Variants in ZDHHC21 observed in about 807,000 individuals in gnomAD.
ZDHHC21 encodes the protein zDHHC palmitoyltransferase 21.
ZDHHC21 carries 15 observed loss-of-function variants against 34.6 expected under a neutral mutation model. The observed-to-expected ratio is 0.43, with a 90% CI of 0.29 to 0.67. ZDHHC21 has a LOEUF of 0.67. Among genes scored for constraint, ZDHHC21 ranks in the 30% least tolerant of loss-of-function variants. ZDHHC21 has a pLI of 0.14. For missense variants in ZDHHC21, 344 were observed against 327.7 expected, an observed-to-expected ratio of 1.05 and a Z score of -0.38; for synonymous variants, 142 against 101.8, an observed-to-expected ratio of 1.40 and a Z score of -2.38.
chr9:14,644,134 T>C (rs1392750818), intron 7 of ZDHHC21, among the ~76,000 whole-genome samples: 3 of 152,210 alleles, frequency 2.0e-5, no homozygotes, highest in African/African-American at 7.2e-5. Context: ...AGCAATTTCC[T>C]GTTTTTTGAT....
intron 5 of ZDHHC21, among the ~76,000 whole-genome samples, chr9:14,672,585 T>C (rs1404684552): frequency 3.3e-5 from 5 of 151,878 alleles, no homozygotes; most frequent in Non-Finnish European, 5.9e-5. Flanking sequence ...CTCATACAAT[T>C]ACCATGAGGA....
chr9:14,603,043 G>C, the ZDHHC21 span, among the ~76,000 whole-genome samples: 1 of 151,968 alleles, frequency 6.6e-6, no homozygotes, highest in East Asian at 1.9e-4. Context: ...GGAGGGGTGG[G>C]AGTTGAGGGG....
At chr9:14,682,010 A>T (rs1344920390) in intron 2 of ZDHHC21, among the ~76,000 whole-genome samples, 1 of 152,200 alleles carries the variant, frequency 6.6e-6, no homozygotes, top group Non-Finnish European at 1.5e-5. Flanking sequence ...GGTCACCACC[A>T]GGCCTGCCCT....
At chr9:14,691,137 A>G (rs1839089374) in intron 1 of ZDHHC21, among the ~76,000 whole-genome samples, 1 of 152,188 alleles carries the variant, frequency 6.6e-6, no homozygotes, top group African/African-American at 2.4e-5. Flanking sequence ...TTCAATTACA[A>G]TTCCAGAAAA....
chr9:14,658,692 C>A lies in ZDHHC21; in HGVS notation c.504+57G>T, dbSNP rs940863709. 7.0e-5 allele frequency: 101 copies of A among 1,443,076 alleles called. No homozygotes were observed. In the African/African-American group the frequency reaches 1.2e-3, roughly 17 times the overall value. 89.4% of individuals were successfully genotyped at this position (1,443,076 alleles called of 1,614,324 possible). ...TTCACCGTGTTAGCCAGGATGGTCTCGATCTCCTGACCTCGTGATCCGCCC... is the reference window on the plus strand; with the variant it reads ...TTCACCGTGTTAGCCAGGATGGTCTAGATCTCCTGACCTCGTGATCCGCCC... On this transcript the variant is annotated intron_variant, in intron 7 of 9. Coordinates refer to ENST00000380916, the MANE Select transcript of ZDHHC21 (RefSeq NM_178566.6).
At chr9:14,662,137 G>T in intron 6 of ZDHHC21, 78 bp downstream of exon 6, 1 of 974,240 alleles carries the variant, frequency 1.0e-6, no homozygotes, top group Non-Finnish European at 1.5e-6. Context: ...CATAACTGTT[G>T]TTTAAAGCTG....
At chr9:14,634,626 T>C (rs1836196773) in intron 8 of ZDHHC21, among the ~76,000 whole-genome samples, 1 of 152,114 alleles carries the variant, frequency 6.6e-6, no homozygotes, top group Admixed American at 6.5e-5. Context: ...GCAACTATAA[T>C]ACTGCACATT....
At chr9:14,659,477 C>G (rs1231438759) in intron 6 of ZDHHC21, among the ~76,000 whole-genome samples, 2 of 152,132 alleles carry the variant, frequency 1.3e-5, no homozygotes, top group Non-Finnish European at 2.9e-5. Context: ...TGAACCCTAA[C>G]TAGGAAAGAG....
intron 5 of ZDHHC21, among the ~76,000 whole-genome samples, chr9:14,664,335 C>T (rs961077180): frequency 6.6e-6 from 1 of 152,066 alleles, no homozygotes; most frequent in Non-Finnish European, 1.5e-5. Flanking sequence ...AGACTATATC[C>T]CACACCTGGC....
intron 2 of ZDHHC21, among the ~76,000 whole-genome samples, chr9:14,689,307 A>C (rs973886460): frequency 6.6e-6 from 1 of 152,240 alleles, no homozygotes; most frequent in Non-Finnish European, 1.5e-5. Context: ...TGGTGAGCAA[A>C]GGAATAAAGT....
intron 2 of ZDHHC21, among the ~76,000 whole-genome samples, chr9:14,682,570 A>G (rs1018793068): frequency 6.6e-6 from 1 of 152,184 alleles, no homozygotes; most frequent in African/African-American, 2.4e-5. Flanking sequence ...AAGAGACTTA[A>G]GACTCCCACA....
At chr9:14,602,152 T>C in the ZDHHC21 span, among the ~76,000 whole-genome samples, 2 of 151,532 alleles carry the variant, frequency 1.3e-5, no homozygotes, top group African/African-American at 4.9e-5. Context: ...ATAATAATAA[T>C]AATAAAAAGA....
rs77020309 is a variant in ZDHHC21, at chr9:14,689,768, T to C, written c.-176+569A>G. ...AGTAGATAACTGGGCCACTGTTTTT[T>C]GGGTATGTTTGTCTGAGACAGGGTC... On this transcript the variant is annotated intron_variant, in intron 2 of 9. Transcript: ENST00000380916. Among the ~76,000 whole-genome samples the C allele has an allele frequency of 9.5e-3, 1,450 of 152,292 alleles. 12 individuals are homozygous for C. The highest frequency in any genetic ancestry group is 0.041 in the South Asian group (199 of 4,820).
At chr9:14,609,110 T>G (rs557069307), downstream of ZDHHC21, among the ~76,000 whole-genome samples, 3 of 152,070 alleles carry the variant, frequency 2.0e-5, no homozygotes, top group Non-Finnish European at 4.4e-5. Context: ...CCAAATTAAC[T>G]AGATTAAACC....
chr9:14,662,168 T>G (rs940062073), intron 6 of ZDHHC21, 47 bp downstream of exon 6: 2 of 1,393,026 alleles, frequency 1.4e-6, no homozygotes, highest in African/African-American at 1.5e-5. Context: ...AGATTTACAT[T>G]TTATTACCCA....
downstream of ZDHHC21, among the ~76,000 whole-genome samples, chr9:14,610,508 A>T (rs1351669618): frequency 6.6e-6 from 1 of 152,020 alleles, no homozygotes; most frequent in Non-Finnish European, 1.5e-5. Context: ...TAAAATTTTT[A>T]AAAGAATTTA....
chr9:14,669,530 T>A (rs1215888343), intron 5 of ZDHHC21, among the ~76,000 whole-genome samples: 1 of 151,668 alleles, frequency 6.6e-6, no homozygotes, highest in African/African-American at 2.4e-5. Context: ...CTATAAATCA[T>A]GCTGCTATAA....
At chr9:14,681,271 C>T (rs1224780665) in intron 2 of ZDHHC21, among the ~76,000 whole-genome samples, 1 of 152,152 alleles carries the variant, frequency 6.6e-6, no homozygotes, top group Non-Finnish European at 1.5e-5. Context: ...GTTGCCCAGA[C>T]TGGAGTGCAG....
chr9:14,669,577 C>A (rs569804781), intron 5 of ZDHHC21, among the ~76,000 whole-genome samples: 119 of 149,110 alleles, frequency 8.0e-4, no homozygotes, highest in African/African-American at 2.7e-3. Flanking sequence ...CAGCATTATT[C>A]ACAATAGCAA....
Sources: allele counts gnomAD v4.1 joint callset (sites outside exome capture counted in the v4.1 genomes callset), GRCh38; gene constraint gnomAD v4.1.1; transcripts MANE v1.5; gene names NCBI Gene and HGNC (gene_info 2026-07-23, HGNC 2026-07-21).